ZNF160: variants seen among roughly 807,000 people sequenced by gnomAD.
ZNF160 encodes zinc finger protein 160, also known as KRAB zinc finger protein KR18.
Under a neutral mutation model 13.1 loss-of-function variants are expected in ZNF160, and 9 were observed. The ratio of observed to expected loss-of-function variants is 0.69; its 90% confidence interval spans 0.41 to 1.20. The LOEUF is 1.20. Ranked by LOEUF, ZNF160 falls within the 50% of genes most tolerant of loss-of-function variation. ZNF160 has a pLI of 0.01. For missense variants in ZNF160, 838 were observed against 988.0 expected (o/e 0.85, Z 2.04); for synonymous variants, 293 against 333.2 (o/e 0.88, Z 1.31).
At chr19:53,080,256 C>T (rs1030989702) in intron 3 of ZNF160, among the ~76,000 whole-genome samples, 14 of 152,134 alleles carry the variant, frequency 9.2e-5, no homozygotes, top group African/African-American at 2.6e-4. Context: ...TGCACCACCA[C>T]GCCCGGCTAA....
At chr19:53,082,704 G>C (rs181516593) in intron 3 of ZNF160, among the ~76,000 whole-genome samples, 98 of 152,244 alleles carry the variant, frequency 6.4e-4, no homozygotes, top group African/African-American at 2.2e-3. Flanking sequence ...TAAATAAACA[G>C]ATGTATAGTT....
Position 53,068,743 on chromosome 19 carries a change from G to C in ZNF160, c.1791C>G (p.Asp597Glu), listed in dbSNP as rs909202896. ...AACGATCACTAAAGGCTCTGCCACAGTCATTACACTTGTAAGGTTTTTCTC... is the reference window on the plus strand; with the variant it reads ...AACGATCACTAAAGGCTCTGCCACACTCATTACACTTGTAAGGTTTTTCTC... ...HTGEKPYKCN[D>E]CGRAFSDRSS... The change falls in exon 6 of 6, where the codon GAC (aspartate) becomes GAG (glutamate). Residue 597 changes from aspartate to glutamate, a missense_variant. Physicochemically the swap from Asp to Glu is conservative, Grantham distance 45. Around this residue, in one of 3 missense-constraint regions of ZNF160, gnomAD observed 400 missense variants for 538.9 expected, o/e 0.74. Coordinates refer to ENST00000683776, the MANE Select transcript of ZNF160 (RefSeq NM_001322131.2). 1 of 1,613,962 alleles carries C rather than the reference G, an allele frequency of 6.2e-7. No individual in the cohort carries two copies. Among genetic ancestry groups the C allele is most frequent in the Non-Finnish European group, 8.5e-7 (1 of 1,179,986 alleles).
chr19:53,090,370 T>G (rs186801052), intron 2 of ZNF160, among the ~76,000 whole-genome samples: 1 of 152,190 alleles, frequency 6.6e-6, no homozygotes, highest in East Asian at 1.9e-4. Flanking sequence ...TCACTCTCAG[T>G]GTCTGTCTGC....
chr19:53,078,051 C>T (rs938810125), intron 3 of ZNF160, among the ~76,000 whole-genome samples: 1 of 152,042 alleles, frequency 6.6e-6, no homozygotes, highest in South Asian at 2.1e-4. Context: ...ACCAGCCTGG[C>T]CAACATGATG....
At position 53,067,297 on chromosome 19, in the gene ZNF160, C is replaced by G. The variant is rs1178399699; in HGVS notation, c.*780G>C. 5 of 152,188 alleles carry G rather than the reference C, an allele frequency of 3.3e-5. No homozygotes were observed. The highest frequency in any genetic ancestry group is 3.3e-4 in the Admixed American group (5 of 15,266). 9.4% of individuals were successfully genotyped at this position (152,188 alleles called of 1,614,324 possible). A position where few individuals can be genotyped will look rare whatever the true frequency, so the allele number is the denominator to read the frequency against. ...GTTCAGTTGATAGACCATTTCTTTC[C>G]TCTAAGCCACAGTACTCTCCTGGTA... On this transcript the variant is annotated 3_prime_UTR_variant, in exon 6 of 6. Transcript: ENST00000683776.
chr19:53,069,652 A>AT lies in ZNF160; in HGVS notation c.881_882insA (p.Phe294LeufsTer24). ...GAATAGTTAGATTTGAACGAACAGT[A>AT]AAGGTTTTGCCGCACTCACTGCATT... On this transcript the variant is annotated frameshift_variant, in exon 6 of 6. Coordinates refer to ENST00000683776, the MANE Select transcript of ZNF160 (RefSeq NM_001322131.2). LOFTEE classifies it low-confidence loss of function (END_TRUNC). The surrounding 1 kb of genome is among the most constrained non-coding windows in gnomAD (Gnocchi z 4.4). 1 of 1,613,918 alleles carries AT rather than the reference A, an allele frequency of 6.2e-7. No individual in the cohort carries two copies. The highest frequency in any genetic ancestry group is 8.5e-7 in the Non-Finnish European group (1 of 1,179,798).
Position 53,068,783 on chromosome 19 carries a change from C to T in ZNF160, c.1751G>A (p.Trp584Ter). The T allele has an allele frequency of 6.2e-7, 1 of 1,612,756 alleles. No individual in the cohort carries two copies. Residue 584 changes from tryptophan (W) to a stop codon, truncating the protein, a stop_gained, in exon 6 of 6, where the codon TGG becomes TAG. Coordinates refer to ENST00000683776, the MANE Select transcript of ZNF160 (RefSeq NM_001322131.2). LOFTEE classifies it low-confidence loss of function (END_TRUNC). ...FAQTSQLARH[W>*]RVHTGEKPYK... ...AGGTTTTTCTCCAGTATGAACTCTC[C>T]AATGCCTTGCAAGTTGTGATGTTTG...
rs188459238 is a variant in ZNF160 at position 53,085,978 on chromosome 19, G to A, written c.15+284C>T. On this transcript the variant is annotated intron_variant, in intron 3 of 5. Coordinates refer to ENST00000683776, the MANE Select transcript of ZNF160 (RefSeq NM_001322131.2). Reference sequence around the variant, plus strand: ...CAGATGCGGCCCCTGAGCAATCCCTGCTGCCCAACAGCACTGACACCACAG... The same window carrying A: ...CAGATGCGGCCCCTGAGCAATCCCTACTGCCCAACAGCACTGACACCACAG... The A allele has an allele frequency of 1.8e-4, 232 of 1,282,774 alleles. No individual in the cohort carries two copies. In the African/African-American group the frequency reaches 3.2e-3, roughly 18 times the overall value. 79.5% of individuals were successfully genotyped at this position (1,282,774 alleles called of 1,614,324 possible).
Position 53,068,844 on chromosome 19 carries a change from G to T in ZNF160, c.1690C>A (p.Pro564Thr). The T allele has an allele frequency of 1.2e-6, 2 of 1,614,152 alleles. No homozygotes were observed. Among genetic ancestry groups the T allele is most frequent in the Middle Eastern group, 1.6e-4 (1 of 6,062 alleles). The change falls in exon 6 of 6, where the codon CCT becomes ACT. Residue 564 changes from proline (P) to threonine (T), a missense_variant. Coordinates refer to ENST00000683776, the MANE Select transcript of ZNF160 (RefSeq NM_001322131.2). ...TTACCACATTCATTACACTTGTAAG[G>T]TTTCTCTCCAGAATGAATTCCCCGA... ...SHRGIHSGEK[P>T]YKCNECGKVF...
chr19:53,094,893 A>G (rs1264100454), intron 1 of ZNF160, among the ~76,000 whole-genome samples: 1 of 152,118 alleles, frequency 6.6e-6, no homozygotes, highest in Non-Finnish European at 1.5e-5. Flanking sequence ...AGAGGAGTAG[A>G]GAGCCCAGGC....
In ZNF160 at chr19:53,075,187, A is replaced by G; in HGVS notation, c.16-4T>C. The G allele has an allele frequency of 1.2e-6, 2 of 1,613,552 alleles. No homozygotes were observed. The highest frequency in any genetic ancestry group is 1.1e-5 in the South Asian group (1 of 90,964). ...CATCCCTAAATGTCAACCGTACCTA[A>G]AATGAAAAACACATTTCACCAAGTG... On this transcript the variant is annotated splice_polypyrimidine_tract_variant and splice_region_variant and intron_variant, in intron 3 of 5. Coordinates refer to ENST00000683776, the MANE Select transcript of ZNF160 (RefSeq NM_001322131.2).
In ZNF160 at chr19:53,070,096, T is replaced by C; in HGVS notation, c.438A>G (p.Arg146=). The C allele has an allele frequency of 6.2e-7, 1 of 1,614,124 alleles. No individual in the cohort carries two copies. Among genetic ancestry groups the C allele is most frequent in the Non-Finnish European group, 8.5e-7 (1 of 1,180,036 alleles). Residue 146 remains arginine (R), a synonymous_variant, in exon 6 of 6, where the codon AGA becomes AGG. Transcript: ENST00000683776. ...CTCCCTTGTAATTTCCTGTGTCATC[T>C]CTCCATTGACACTCAAAATCATGCA... The part of the protein sequence containing the change: ...KNVHDFECQW[R]DDTGNYKGVL...
At chr19:53,080,280 A>G (rs1404192344) in intron 3 of ZNF160, among the ~76,000 whole-genome samples, 1 of 151,906 alleles carries the variant, frequency 6.6e-6, no homozygotes, top group East Asian at 1.9e-4. Context: ...TGTATTTTTA[A>G]TAGAGACTGG....
intron 3 of ZNF160, chr19:53,077,311 G>A (rs2084429960): frequency 6.6e-6 from 1 of 152,190 alleles, no homozygotes; most frequent in South Asian, 2.1e-4. Context: ...CTTCCCTGAA[G>A]GAAGCCAGAA....
intron 1 of ZNF160, among the ~76,000 whole-genome samples, chr19:53,100,055 T>C (rs574545271): frequency 2.6e-5 from 4 of 152,206 alleles, no homozygotes; most frequent in South Asian, 4.1e-4. Context: ...AAACACAACA[T>C]ACTAATGAAA....
chr19:53,085,933 C>A, intron 3 of ZNF160: 1 of 1,044,110 alleles, frequency 9.6e-7, no homozygotes, highest in African/African-American at 1.6e-5. Context: ...TCATGGTTTA[C>A]ACAGCGCTGA....
At chr19:53,074,894 G>A (rs2084326265) in intron 4 of ZNF160, among the ~76,000 whole-genome samples, 163 bp downstream of exon 4, 2 of 152,088 alleles carry the variant, frequency 1.3e-5, no homozygotes, top group South Asian at 4.1e-4. Flanking sequence ...TCTGAGAAAG[G>A]GGAAGATTAA....
At chr19:53,099,763 G>A (rs372276146) in intron 1 of ZNF160, among the ~76,000 whole-genome samples, 12 of 152,324 alleles carry the variant, frequency 7.9e-5, no homozygotes, top group East Asian at 5.8e-4. Context: ...AAGGGGATTA[G>A]TATTGCCCAG....
At chr19:53,093,537 CAT>C (rs1208976250) in intron 1 of ZNF160, 2 of 152,172 alleles carry the variant, frequency 1.3e-5, no homozygotes, top group Admixed American at 6.6e-5. Flanking sequence ...ATTGTCAACA[CAT>C]AACACCAAGT....
Sources: allele counts gnomAD v4.1 joint callset (sites outside exome capture counted in the v4.1 genomes callset), GRCh38; gene constraint gnomAD v4.1.1; regional missense constraint gnomAD v4.1.1; non-coding constraint Gnocchi (gnomAD v3.1); transcripts MANE v1.5; gene names NCBI Gene and HGNC (gene_info 2026-07-23, HGNC 2026-07-21).